The following CLTCL1 variants were observed in gnomAD, a reference collection of about 807,000 sequenced individuals.
CLTCL1 encodes clathrin heavy chain 2.
In CLTCL1, 159 loss-of-function variants were observed where a neutral mutation model predicts 190.0. That is an observed-to-expected ratio of 0.84 (90% CI 0.74 to 0.95). The LOEUF is 0.95. Among genes scored for constraint, CLTCL1 ranks in the 40% least tolerant of loss-of-function variants. CLTCL1 has a pLI of 0.00. For missense variants in CLTCL1, 1,878 were observed against 2,033.4 expected, an observed-to-expected ratio of 0.92 and a Z score of 1.47; for synonymous variants, 752 against 769.6, an observed-to-expected ratio of 0.98 and a Z score of 0.38.
intron 2 of CLTCL1, among the ~76,000 whole-genome samples, chr22:19,255,713 C>T (rs965210102): frequency 1.3e-5 from 2 of 151,394 alleles, no homozygotes; most frequent in Admixed American, 1.3e-4. Context: ...AGTTCAAGAA[C>T]AGCCTGGCCA....
intron 32 of CLTCL1, 42 bp from the exon 33 acceptor site, chr22:19,180,011 C>G: frequency 1.6e-6 from 1 of 606,374 alleles, no homozygotes; most frequent in Non-Finnish European, 2.9e-6. Flanking sequence ...CTCTTCCTGC[C>G]CATGGGGGTC....
intron 17 of CLTCL1, among the ~76,000 whole-genome samples, 199 bp from the exon 18 acceptor site, chr22:19,220,206 C>T (rs560620377): frequency 6.6e-6 from 1 of 152,252 alleles, no homozygotes; most frequent in East Asian, 1.9e-4. Flanking sequence ...TCAAAATGCC[C>T]TTTCCAAGTT....
At chr22:19,229,341 G>A (rs112593447) in intron 11 of CLTCL1, among the ~76,000 whole-genome samples, 6 of 152,148 alleles carry the variant, frequency 3.9e-5, no homozygotes, top group Admixed American at 2.0e-4. Flanking sequence ...CAGGTAAAAG[G>A]ACAAATATTT....
intron 19 of CLTCL1, among the ~76,000 whole-genome samples, chr22:19,214,784 G>A (rs1331612761): frequency 2.0e-5 from 3 of 150,848 alleles, no homozygotes; most frequent in Non-Finnish European, 4.4e-5. Context: ...AGACTCAAGC[G>A]ATTCTCCCGC....
chr22:19,225,620 A>T lies in CLTCL1; in HGVS notation c.1961T>A (p.Phe654Tyr). The T allele has an allele frequency of 6.4e-7, 1 of 1,569,034 alleles. No individual in the cohort carries two copies. The highest frequency in any genetic ancestry group is 1.2e-5 in the South Asian group (1 of 85,258). ...HLLNPEWLVN[F>Y]FGSLSVEDSV... ...ATCCTCCACCGATAAGGAGCCAAAG[A>T]AATTGACAAGCCACTGGGAACAAGG... The change falls in exon 13 of 33, where the codon TTC (phenylalanine) becomes TAC (tyrosine). Residue 654 changes from phenylalanine (F) to tyrosine (Y), a missense_variant. Physicochemically the swap from Phe to Tyr is conservative, Grantham distance 22 (BLOSUM62 3). Coordinates refer to ENST00000427926, the MANE Select transcript of CLTCL1 (RefSeq NM_007098.4).
At chr22:19,196,727 C>T in intron 24 of CLTCL1, 71 bp from the exon 25 acceptor site, 1 of 1,523,354 alleles carries the variant, frequency 6.6e-7, no homozygotes, top group Non-Finnish European at 8.9e-7. Flanking sequence ...CAGCCCATGC[C>T]CACGCCGCAG....
chr22:19,283,503 A>C (rs1311230401), intron 1 of CLTCL1, among the ~76,000 whole-genome samples: 1 of 150,462 alleles, frequency 6.6e-6, no homozygotes, highest in South Asian at 2.1e-4. Context: ...CTGGTCTTGA[A>C]CTCCTGGTCT....
At chr22:19,221,657 A>T in intron 16 of CLTCL1, 46 bp from the exon 17 acceptor site, 1 of 1,470,350 alleles carries the variant, frequency 6.8e-7, no homozygotes, top group Non-Finnish European at 9.3e-7. Context: ...CTACCACTGG[A>T]AGTCTTGAGG....
intron 16 of CLTCL1, 105 bp from the exon 17 acceptor site, chr22:19,221,716 G>A (rs1601564545): frequency 9.0e-7 from 1 of 1,108,300 alleles, no homozygotes; most frequent in Non-Finnish European, 1.3e-6. Flanking sequence ...AAATCTCAGA[G>A]TCCATTGACT....
At chr22:19,261,103 T>C (rs2086933713) in intron 2 of CLTCL1, among the ~76,000 whole-genome samples, 1 of 150,728 alleles carries the variant, frequency 6.6e-6, no homozygotes, top group African/African-American at 2.5e-5. Flanking sequence ...AGTCTTATTA[T>C]TTAAGAAATG....
At position 19,233,463 on chromosome 22, in the gene CLTCL1, C is replaced by T; in HGVS notation, c.1327G>A (p.Gly443Arg). 6.2e-7 allele frequency: 1 copy of T among 1,613,802 alleles called. No homozygotes were observed. The change falls in exon 8 of 33, where the codon GGG (glycine) becomes AGG (arginine). Residue 443 changes from glycine to arginine, a missense_variant. By Grantham distance (125) the Gly-to-Arg change is moderately radical (BLOSUM62 -2). Transcript: ENST00000427926. ...CACTTCTCTAGGAGTTGCTTACGCC[C>T]CTGCTGAAGAACCAGATGGCAAAGT... Reference protein sequence around the residue: ...LELCHLVLQQGRKQLLEKWLK... With the variant: ...LELCHLVLQQRRKQLLEKWLK...
intron 29 of CLTCL1, 89 bp downstream of exon 29, chr22:19,187,468 AG>A: frequency 1.5e-6 from 2 of 1,375,132 alleles, no homozygotes; most frequent in Non-Finnish European, 2.0e-6. Context: ...GCCAGGTCTC[AG>A]GAACAAGAGG....
Position 19,291,633 on chromosome 22 carries a change from C to A in CLTCL1, c.9G>T (p.Gln3His), listed in dbSNP as rs993251743. The change falls in exon 1 of 33, where the codon CAG (glutamine) becomes CAT (histidine). Residue 3 changes from glutamine (Q) to histidine (H), a missense_variant. By Grantham distance (24) the Gln-to-His change is conservative. Transcript: ENST00000427926. MA[Q>H]ILPVRFQEHF... is the part of the protein sequence containing the mutation. ...GCTCCTGAAAGCGAACAGGGAGGAT[C>A]TGCGCCATGGCTGGTGCGGGACCTC... 4.3e-6 allele frequency: 6 copies of A among 1,404,826 alleles called. No individual in the cohort carries two copies. The highest frequency in any genetic ancestry group is 3.1e-5 in the East Asian group (1 of 32,102). The allele number at this position is 1,404,826 out of a possible 1,614,324, so 87.0% of individuals were successfully genotyped here. A position where few individuals can be genotyped will look rare whatever the true frequency, so the allele number is the denominator to read the frequency against.
intron 29 of CLTCL1, chr22:19,184,532 T>A: frequency 2.2e-6 from 1 of 456,040 alleles, no homozygotes; most frequent in South Asian, 1.5e-5. Context: ...TGACCCACAC[T>A]GTTCCTACAA....
intron 2 of CLTCL1, chr22:19,257,783 G>C (rs1273066896): frequency 4.9e-6 from 7 of 1,422,734 alleles, no homozygotes; most frequent in African/African-American, 1.4e-5. Context: ...TGCAAAGCCT[G>C]AACGACCACC....
At chr22:19,207,407 G>GT (rs782357161) in intron 22 of CLTCL1, 30 of 395,766 alleles carry the variant, frequency 7.6e-5, no homozygotes, top group East Asian at 2.1e-4. Flanking sequence ...ACGCCTGGAT[G>GT]TAAGTCTTCA....
intron 17 of CLTCL1, 105 bp from the exon 18 acceptor site, chr22:19,220,112 G>A (rs560888767): frequency 6.4e-6 from 9 of 1,403,146 alleles, no homozygotes; most frequent in East Asian, 4.6e-5. Context: ...CTGGTTTGGT[G>A]GACAGTCAGG....
chr22:19,234,384 T>G (rs1258574391), intron 7 of CLTCL1, 125 bp downstream of exon 7: 1 of 898,372 alleles, frequency 1.1e-6, no homozygotes. Context: ...AATTTTAAAC[T>G]AAAAACTCCT....
At chr22:19,249,023 C>G (rs2086506661) in intron 3 of CLTCL1, among the ~76,000 whole-genome samples, 1 of 152,140 alleles carries the variant, frequency 6.6e-6, no homozygotes, top group African/African-American at 2.4e-5. Context: ...GTCTTGGCAA[C>G]CTTGTCAAAA....
Sources: gnomAD v4.1 joint callset for allele counts (sites outside exome capture counted in the v4.1 genomes callset) on GRCh38, gnomAD v4.1.1 for gene constraint, MANE v1.5 for transcripts, NCBI Gene and HGNC (gene_info 2026-07-23, HGNC 2026-07-21) for gene names.